The following FARSB variants were observed in gnomAD, a reference collection of about 807,000 sequenced individuals.
FARSB encodes the protein phenylalanine--tRNA ligase beta subunit.
Under a neutral mutation model 69.6 loss-of-function variants are expected in FARSB, and 40 were observed. The observed-to-expected ratio is 0.57, with a 90% CI of 0.45 to 0.75. The LOEUF is 0.75. Ranked by LOEUF, FARSB falls within the 30% of genes least tolerant of loss-of-function variation. The probability of loss-of-function intolerance (pLI) is 0.00; values close to 1 mark genes in which losing one functional copy is unlikely to be tolerated. For synonymous variants in FARSB, 235 were observed against 247.2 expected, an observed-to-expected ratio of 0.95 and a Z score of 0.46; for missense variants, 632 against 722.9, an observed-to-expected ratio of 0.87 and a Z score of 1.44.
intron 15 of FARSB, among the ~76,000 whole-genome samples, chr2:222,606,715 A>G (rs1026344016): frequency 7.2e-5 from 11 of 152,214 alleles, no homozygotes; most frequent in African/African-American, 2.4e-4. Context: ...ATATAACTCA[A>G]ATTTTTCAAA....
In FARSB at chr2:222,634,487, TG is replaced by T; in HGVS notation, c.509del (p.Pro170HisfsTer17). On this transcript the variant is annotated frameshift_variant, in exon 6 of 17. Coordinates refer to ENST00000281828, the MANE Select transcript of FARSB (RefSeq NM_005687.5). LOFTEE classifies it high-confidence loss of function. ...GTHDLDTLSG[P>X]FTYTAKRPSD... Reference sequence around the variant, plus strand: ...AAGGACGCTTTGCAGTATAAGTAAATGGGCCCGACAAAGTGTCCAAATCATG... The same window carrying T: ...AAGGACGCTTTGCAGTATAAGTAAATGGCCCGACAAAGTGTCCAAATCATG... The T allele has an allele frequency of 6.2e-7, 1 of 1,613,028 alleles. No homozygotes were observed. The highest frequency in any genetic ancestry group is 8.5e-7 in the Non-Finnish European group (1 of 1,179,262).
At chr2:222,616,440 G>A (rs1346726913) in intron 14 of FARSB, among the ~76,000 whole-genome samples, 1 of 151,564 alleles carries the variant, frequency 6.6e-6, no homozygotes, top group Non-Finnish European at 1.5e-5. Context: ...CCAGCTACTC[G>A]GGAGGCTGAG....
rs150135030 is a variant in FARSB, at chr2:222,628,145, C to T, written c.900+692G>A. Among the ~76,000 whole-genome samples the T allele has an allele frequency of 6.0e-4, 91 of 152,234 alleles. No individual in the cohort carries two copies. In the South Asian group the frequency reaches 0.017, roughly 29 times the overall value. On this transcript the variant is annotated intron_variant, in intron 10 of 16. Transcript: ENST00000281828. ...TGCCTTCAGCAACTGTTAATTCAAG[C>T]GTGAACAGACTATGTTCGGAGGGCT...
In FARSB at chr2:222,633,205, T is replaced by A. The variant is rs966093673; in HGVS notation, c.709A>T (p.Ile237Phe). 5 of 1,432,244 alleles carry A rather than the reference T, an allele frequency of 3.5e-6. No homozygotes were observed. Among genetic ancestry groups the A allele is most frequent in the Non-Finnish European group, 4.9e-6 (5 of 1,014,960 alleles). The allele number at this position is 1,432,244 out of a possible 1,614,324, so 88.7% of individuals were successfully genotyped here. ...TGCTTATAAAATAACTCACCATTGA[T>A]GATGGGAGGCATTGAAAGGACGACA... ...NGVVLSMPPI[I>F]NGDHSRITVN... The change falls in exon 7 of 17, where the codon ATC (isoleucine) becomes TTC (phenylalanine). Residue 237 changes from isoleucine (I) to phenylalanine (F), a missense_variant. Physicochemically the swap from Ile to Phe is conservative, Grantham distance 21. Coordinates refer to ENST00000281828, the MANE Select transcript of FARSB (RefSeq NM_005687.5).
chr2:222,600,947 C>G (rs1261610868), intron 15 of FARSB, among the ~76,000 whole-genome samples: 1 of 152,150 alleles, frequency 6.6e-6, no homozygotes, highest in South Asian at 2.1e-4. Flanking sequence ...AAGCAGAATA[C>G]TAAAGTTTAT....
intron 5 of FARSB, among the ~76,000 whole-genome samples, chr2:222,638,018 A>T (rs1691629752): frequency 6.6e-6 from 1 of 152,186 alleles, no homozygotes; most frequent in Admixed American, 6.6e-5. Flanking sequence ...AATAAAACTG[A>T]TAAACCTCTA....
intron 16 of FARSB, among the ~76,000 whole-genome samples, chr2:222,584,311 G>A (rs1181027649): frequency 1.3e-5 from 2 of 152,170 alleles, no homozygotes; most frequent in Non-Finnish European, 2.9e-5. Context: ...TATAGAAGTT[G>A]CTTAAAGGGA....
At chr2:222,615,472 C>T (rs1187699489) in intron 14 of FARSB, among the ~76,000 whole-genome samples, 1 of 152,204 alleles carries the variant, frequency 6.6e-6, no homozygotes, top group African/African-American at 2.4e-5. Flanking sequence ...GCCCTGACTC[C>T]CTCTCTACCC....
chr2:222,631,587 GT>G lies in FARSB; in HGVS notation c.786+16del. On this transcript the variant is annotated intron_variant, in intron 8 of 16. Transcript: ENST00000281828. ...TCCCAGCTGATCATACAAAAATTGA[GT>G]AAAAGTTTTACTTACCTTAGTAAAG... The G allele has an allele frequency of 7.3e-7, 1 of 1,367,948 alleles. No individual in the cohort carries two copies. The highest frequency in any genetic ancestry group is 2.3e-5 in the East Asian group (1 of 43,618). The allele number at this position is 1,367,948 out of a possible 1,614,324, so 84.7% of individuals were successfully genotyped here.
rs1690086424 is a variant in FARSB, at chr2:222,585,408, A to G, written c.1619-13386T>C. Among the ~76,000 whole-genome samples the G allele has an allele frequency of 2.0e-5, 3 of 152,374 alleles. No individual in the cohort carries two copies. The South Asian group carries it at 6.2e-4, about 32-fold the overall frequency. Reference sequence around the variant, plus strand: ...ACCAAAATTAGATAAAACCACAAAGATGGGGAGAAACCAGAGCAGAAAAGC... The same window carrying G: ...ACCAAAATTAGATAAAACCACAAAGGTGGGGAGAAACCAGAGCAGAAAAGC... On this transcript the variant is annotated intron_variant, in intron 16 of 16. Coordinates refer to ENST00000281828, the MANE Select transcript of FARSB (RefSeq NM_005687.5).
intron 1 of FARSB, among the ~76,000 whole-genome samples, chr2:222,655,475 G>A (rs1692149241): frequency 6.6e-6 from 1 of 152,056 alleles, no homozygotes; most frequent in South Asian, 2.1e-4. Flanking sequence ...CTGGTTAATT[G>A]TCTGCCTCCA....
At chr2:222,653,391 A>C (rs1692086332) in intron 1 of FARSB, among the ~76,000 whole-genome samples, 1 of 152,064 alleles carries the variant, frequency 6.6e-6, no homozygotes, top group South Asian at 2.1e-4. Context: ...AGTGTGAATG[A>C]GACATTATCT....
chr2:222,593,858 TCAA>T (rs956032450), intron 16 of FARSB, among the ~76,000 whole-genome samples: 1 of 151,832 alleles, frequency 6.6e-6, no homozygotes, highest in Non-Finnish European at 1.5e-5. Flanking sequence ...AGACCCTGTC[TCAA>T]CAACAACAAA....
Position 222,584,431 on chromosome 2 carries a change from T to C in FARSB, c.1619-12409A>G, listed in dbSNP as rs149822972. ...AGTCTACAGCTCCCAGCGTGAGCAA[T>C]GCAGAAGACAGGTGATTTCTGCATT... is the stretch of plus-strand genomic sequence containing the variant. On this transcript the variant is annotated intron_variant, in intron 16 of 16. Coordinates refer to ENST00000281828, the MANE Select transcript of FARSB (RefSeq NM_005687.5). Among the ~76,000 whole-genome samples, 1,442 of 152,214 alleles carry C rather than the reference T, an allele frequency of 9.5e-3. 17 individuals carry two copies. Among genetic ancestry groups the C allele is most frequent in the African/African-American group, 0.028 (1,168 of 41,522 alleles).
At chr2:222,631,173 C>T (rs184937652) in intron 8 of FARSB, among the ~76,000 whole-genome samples, 5 of 149,744 alleles carry the variant, frequency 3.3e-5, no homozygotes, top group Admixed American at 1.3e-4. Context: ...GCTTCTTCAT[C>T]GCCAGTTCCT....
chr2:222,639,974 G>A (rs1224095323), intron 4 of FARSB, among the ~76,000 whole-genome samples: 1 of 152,086 alleles, frequency 6.6e-6, no homozygotes, highest in Non-Finnish European at 1.5e-5. Flanking sequence ...CCTCTGAAAA[G>A]TTTAAAATCT....
rs969484137 is a variant in FARSB, at chr2:222,629,425, C to T, written c.849-537G>A. 8.6e-5 allele frequency among the ~76,000 whole-genome samples: 13 copies of T among 152,000 alleles called. No individual in the cohort carries two copies. In the South Asian group the frequency reaches 2.5e-3, roughly 29 times the overall value. On this transcript the variant is annotated intron_variant, in intron 9 of 16. Transcript: ENST00000281828. ...TTTGGAAAAAATACAGTAATCTTAC[C>T]GACATGGGATACATGCTTTGCTCTT...
At chr2:222,601,507 A>C (rs1276761651) in intron 15 of FARSB, among the ~76,000 whole-genome samples, 3 of 152,152 alleles carry the variant, frequency 2.0e-5, no homozygotes, top group Admixed American at 2.0e-4. Flanking sequence ...ACAGAGAAAA[A>C]GACTGAAAAG....
chr2:222,622,678 C>T (rs1691169354), intron 13 of FARSB, among the ~76,000 whole-genome samples: 1 of 152,110 alleles, frequency 6.6e-6, no homozygotes, highest in Admixed American at 6.5e-5. Flanking sequence ...TGGAAAAGCA[C>T]TGTTCTAGGA....
Sources: allele counts gnomAD v4.1 joint callset (sites outside exome capture counted in the v4.1 genomes callset), GRCh38; gene constraint gnomAD v4.1.1; transcripts MANE v1.5; gene names NCBI Gene and HGNC (gene_info 2026-07-23, HGNC 2026-07-21).